Variants in CIMAP1B observed in about 807,000 individuals in gnomAD.
CIMAP1B encodes the protein ciliary microtubule associated protein 1B.
At chr22:50,532,177 T>C in the CIMAP1B span, 2 of 1,284,538 alleles carry the variant, frequency 1.6e-6, no homozygotes, top group South Asian at 4.7e-5. Context: ...ACTTTCCCAC[T>C]ACCCTGGGAT....
the CIMAP1B span, chr22:50,532,147 C>G: frequency 7.6e-7 from 1 of 1,316,506 alleles, no homozygotes; most frequent in South Asian, 2.1e-5. Flanking sequence ...GCCCCTGCAC[C>G]GCAAATTCTT....
the CIMAP1B span, chr22:50,531,676 G>T: frequency 1.5e-6 from 2 of 1,369,982 alleles, no homozygotes; most frequent in East Asian, 3.0e-5. Flanking sequence ...GCACCAGGTG[G>T]CCTGGCCCGG....
At chr22:50,531,777 GGA>G in the CIMAP1B span, 1 of 1,359,630 alleles carries the variant, frequency 7.4e-7, no homozygotes. Context: ...GCGTAGCCTG[GGA>G]GCATCCGAGT....
the CIMAP1B span, chr22:50,531,056 G>A: frequency 6.2e-7 from 1 of 1,609,124 alleles, no homozygotes; most frequent in Non-Finnish European, 8.5e-7. Context: ...TAGGCCGCGG[G>A]ACCTGGGGAG....
At chr22:50,531,359 T>G in the CIMAP1B span, 2 of 1,331,772 alleles carry the variant, frequency 1.5e-6, no homozygotes, top group Non-Finnish European at 2.1e-6. Flanking sequence ...GTACCCGAGA[T>G]GGGGTCCTGG....
At chr22:50,531,161 C>G in the CIMAP1B span, 1 of 1,596,174 alleles carries the variant, frequency 6.3e-7, no homozygotes. Flanking sequence ...GGAAGGCCCA[C>G]AGTTCTGGGA....
the CIMAP1B span, chr22:50,531,947 T>A: frequency 1.5e-6 from 2 of 1,313,718 alleles, no homozygotes; most frequent in African/African-American, 3.1e-5. Context: ...CACCCCTCAA[T>A]CCCGGGGCCT....
At chr22:50,530,723 T>G in the CIMAP1B span, 2 of 1,612,034 alleles carry the variant, frequency 1.2e-6, no homozygotes, top group Non-Finnish European at 1.7e-6. Flanking sequence ...TGATCCACGT[T>G]GTAGGCCGCG....
the CIMAP1B span, chr22:50,531,930 G>C: frequency 8.4e-6 from 11 of 1,302,658 alleles, no homozygotes; most frequent in Non-Finnish European, 1.1e-5. Flanking sequence ...TCCCCCAGGC[G>C]CCGTCCCACC....
At chr22:50,531,300 G>A in the CIMAP1B span, 2 of 1,605,706 alleles carry the variant, frequency 1.2e-6, no homozygotes, top group South Asian at 1.1e-5. Flanking sequence ...ACCTGCCTGC[G>A]GGGCGGATCA....
the CIMAP1B span, chr22:50,530,467 C>G: frequency 1.3e-6 from 2 of 1,586,836 alleles, no homozygotes; most frequent in South Asian, 1.1e-5. Flanking sequence ...TGGGGCCGCT[C>G]CCGCCTGGCG....
At chr22:50,530,679 G>C in the CIMAP1B span, 1 of 1,607,690 alleles carries the variant, frequency 6.2e-7, no homozygotes, top group South Asian at 1.1e-5. Context: ...CCACTCTCCT[G>C]ACTCTGACCC....
At chr22:50,531,693 A>G in the CIMAP1B span, 1 of 1,362,412 alleles carries the variant, frequency 7.3e-7, no homozygotes, top group Non-Finnish European at 9.4e-7. Flanking sequence ...CCGGGGCCGC[A>G]CGTCGTCTGC....
At chr22:50,530,672 C>T in the CIMAP1B span, 1 of 1,604,454 alleles carries the variant, frequency 6.2e-7, no homozygotes. Context: ...GCCCTCCCCA[C>T]TCTCCTGACT....
the CIMAP1B span, chr22:50,531,189 A>C: frequency 1.9e-6 from 3 of 1,611,732 alleles, no homozygotes; most frequent in Non-Finnish European, 2.5e-6. Flanking sequence ...TTCTGACCTC[A>C]CCTGGGCTCT....
chr22:50,531,114 GT>G, the CIMAP1B span: 1 of 1,587,424 alleles, frequency 6.3e-7, no homozygotes, highest in Non-Finnish European at 8.6e-7. Flanking sequence ...GCGCAGGGTG[GT>G]CCCAGCTCCC....
the CIMAP1B span, chr22:50,531,651 C>G: frequency 4.4e-6 from 6 of 1,376,832 alleles, no homozygotes; most frequent in Non-Finnish European, 5.6e-6. Flanking sequence ...GTGCCGCGCA[C>G]GGTCATGCGA....
chr22:50,531,871 G>A, the CIMAP1B span: 3 of 1,325,260 alleles, frequency 2.3e-6, no homozygotes, highest in Non-Finnish European at 1.9e-6. Flanking sequence ...CCCTCTAGCA[G>A]GCACGGTTCA....
chr22:50,531,767 G>A, the CIMAP1B span: 2 of 1,367,972 alleles, frequency 1.5e-6, no homozygotes, highest in Non-Finnish European at 1.9e-6. Context: ...GTCATGCAGG[G>A]CGTAGCCTGG....
Sources: allele counts gnomAD v4.1 joint callset, GRCh38; gene constraint gnomAD v4.1.1; transcripts MANE v1.5; gene names NCBI Gene and HGNC (gene_info 2026-07-23, HGNC 2026-07-21).